Variants in IL1RAPL1 observed in about 807,000 individuals in gnomAD.
IL1RAPL1 encodes interleukin-1 receptor accessory protein-like 1.
In IL1RAPL1, 3 loss-of-function variants were observed where a neutral mutation model predicts 48.4. That is an observed-to-expected ratio of 0.06 (90% CI 0.03 to 0.16). The LOEUF (loss-of-function observed/expected upper bound fraction) is 0.16, where lower values mean the gene tolerates loss of function less well. IL1RAPL1 is among the 10% of genes least tolerant of loss of function. The pLI, the probability that IL1RAPL1 is intolerant of heterozygous loss-of-function variation, is 1.00. For synonymous variants in IL1RAPL1, 185 were observed against 187.7 expected, an observed-to-expected ratio of 0.99 and a Z score of 0.12; for missense variants, 349 against 530.6, an observed-to-expected ratio of 0.66 and a Z score of 3.36.
intron 1 of IL1RAPL1, among the ~76,000 whole-genome samples, chrX:28,741,628 G>A (rs779873613): frequency 8.1e-5 from 9 of 111,622 alleles, no homozygotes; most frequent in Non-Finnish European, 1.5e-4. Flanking sequence ...ATCTCATTTT[G>A]TTGAATGTGA....
chrX:28,743,295 A>T lies in IL1RAPL1; in HGVS notation c.-24-46025A>T, dbSNP rs1289303770. On this transcript the variant is annotated intron_variant, in intron 1 of 10. Coordinates refer to ENST00000378993, the MANE Select transcript of IL1RAPL1 (RefSeq NM_014271.4). ...CCTCGTATTTTTAAATCTTACAATC[A>T]TATCCTTATCACTTCAATTTATCTA... 2.7e-5 allele frequency among the ~76,000 whole-genome samples: 3 copies of T among 111,691 alleles called. No individual in the cohort carries two copies. The Admixed American group carries it at 2.9e-4, about 11-fold the overall frequency.
chrX:28,733,603 T>G (rs1345589906), intron 1 of IL1RAPL1, among the ~76,000 whole-genome samples: 1 of 111,710 alleles, frequency 9.0e-6, no homozygotes, highest in African/African-American at 3.3e-5. Context: ...AATTGACTCT[T>G]GGTATACCTT....
chrX:29,569,169 A>G (rs1922509347), intron 5 of IL1RAPL1, among the ~76,000 whole-genome samples: 1 of 111,415 alleles, frequency 9.0e-6, no homozygotes, highest in African/African-American at 3.3e-5. Flanking sequence ...TAGTTTGGTG[A>G]TTTCGACCAT....
chrX:28,832,822 ATT>A (rs199869467), intron 2 of IL1RAPL1, among the ~76,000 whole-genome samples: 4,753 of 80,329 alleles, frequency 0.059, 310 homozygotes, highest in East Asian at 0.25. Context: ...ATTTTTTTCA[ATT>A]TTTTTTTTTT....
chrX:29,102,226 A>G (rs1232671204), intron 2 of IL1RAPL1, among the ~76,000 whole-genome samples: 1 of 112,237 alleles, frequency 8.9e-6, no homozygotes, highest in Non-Finnish European at 1.9e-5. Flanking sequence ...ATCATAGTGA[A>G]TAGAAAAAAT....
intron 2 of IL1RAPL1, among the ~76,000 whole-genome samples, chrX:28,857,018 C>G (rs1209177160): frequency 8.9e-6 from 1 of 111,974 alleles, no homozygotes; most frequent in Admixed American, 9.5e-5. Flanking sequence ...AAATGCTACT[C>G]AGTGAACACA....
chrX:29,377,139 G>A (rs944797689), intron 3 of IL1RAPL1, among the ~76,000 whole-genome samples: 5 of 111,931 alleles, frequency 4.5e-5, no homozygotes, highest in African/African-American at 1.3e-4. Context: ...TATTGTTATT[G>A]GTTTAAAATC....
intron 5 of IL1RAPL1, among the ~76,000 whole-genome samples, chrX:29,443,751 T>G (rs1311706458): frequency 8.9e-6 from 1 of 111,968 alleles, no homozygotes; most frequent in Middle Eastern, 4.2e-3. Context: ...TTATCTCTGC[T>G]CTACATGAGG....
intron 2 of IL1RAPL1, among the ~76,000 whole-genome samples, chrX:29,221,478 C>T (rs1195216443): frequency 4.5e-5 from 5 of 110,810 alleles, no homozygotes; most frequent in African/African-American, 1.3e-4. Flanking sequence ...TTTATATACC[C>T]CGTGAAGGTC....
At chrX:29,829,096 T>C (rs766876912) in intron 6 of IL1RAPL1, among the ~76,000 whole-genome samples, 12 of 108,244 alleles carry the variant, frequency 1.1e-4, no homozygotes, top group Non-Finnish European at 1.7e-4. Context: ...GGTATGCTTA[T>C]TGTTTTAAAC....
At chrX:28,874,560 C>G (rs776898445) in intron 2 of IL1RAPL1, among the ~76,000 whole-genome samples, 1 of 111,963 alleles carries the variant, frequency 8.9e-6, no homozygotes, top group South Asian at 3.8e-4. Flanking sequence ...TCATGCCAAA[C>G]TTAAGTGACT....
At chrX:29,085,676 T>C (rs1927938010) in intron 2 of IL1RAPL1, among the ~76,000 whole-genome samples, 1 of 111,263 alleles carries the variant, frequency 9.0e-6, no homozygotes, top group South Asian at 3.7e-4. Context: ...CGTAGCCAAA[T>C]AGAAATGTGT....
intron 1 of IL1RAPL1, among the ~76,000 whole-genome samples, chrX:28,649,459 G>A (rs1402812582): frequency 1.8e-5 from 2 of 112,096 alleles, no homozygotes; most frequent in Non-Finnish European, 3.8e-5. Flanking sequence ...GGGAAATGCT[G>A]GTTTAAAAAG....
At chrX:28,656,036 G>C (rs372522549) in intron 1 of IL1RAPL1, among the ~76,000 whole-genome samples, 1 of 111,407 alleles carries the variant, frequency 9.0e-6, no homozygotes, top group African/African-American at 3.3e-5. Flanking sequence ...ACAGATACAC[G>C]GCCATGATGT....
rs1225091387 is a variant in IL1RAPL1, at chrX:29,418,119, A to ATT, written c.703+18812_703+18813insTT. Among the ~76,000 whole-genome samples, 268 of 30,863 alleles carry ATT rather than the reference A, an allele frequency of 8.7e-3. 5 individuals are homozygous for ATT. Among genetic ancestry groups the ATT allele is most frequent in the African/African-American group, 0.029 (221 of 7,499 alleles). 26.8% of individuals were successfully genotyped at this position (30,863 alleles called of 115,157 possible). A position where few individuals can be genotyped will look rare whatever the true frequency, so the allele number is the denominator to read the frequency against. On this transcript the variant is annotated intron_variant, in intron 5 of 10. Coordinates refer to ENST00000378993, the MANE Select transcript of IL1RAPL1 (RefSeq NM_014271.4). ...TATATATATATATATATATATATATATATATATTTTTTTTTTTTTTTTTGA... is the reference window on the plus strand; with the variant it reads ...TATATATATATATATATATATATATATTTATATATTTTTTTTTTTTTTTTTGA...
chrX:29,843,020 A>C (rs1931166278), intron 6 of IL1RAPL1, among the ~76,000 whole-genome samples: 2 of 112,286 alleles, frequency 1.8e-5, no homozygotes, highest in Non-Finnish European at 1.9e-5. Flanking sequence ...TAAGCTTATA[A>C]ATATTTCACT....
At chrX:29,477,102 G>A (rs747014012) in intron 5 of IL1RAPL1, among the ~76,000 whole-genome samples, 3 of 109,373 alleles carry the variant, frequency 2.7e-5, no homozygotes. Flanking sequence ...GGATGGTCTC[G>A]ATCCCATATT....
chrX:28,747,877 C>T (rs1935997723), intron 1 of IL1RAPL1, among the ~76,000 whole-genome samples: 1 of 111,422 alleles, frequency 9.0e-6, no homozygotes, highest in African/African-American at 3.3e-5. Flanking sequence ...ATTATCATTT[C>T]AAATATTGTT....
At chrX:28,798,469 A>T (rs1291919111) in intron 2 of IL1RAPL1, among the ~76,000 whole-genome samples, 1 of 111,632 alleles carries the variant, frequency 9.0e-6, no homozygotes, top group Non-Finnish European at 1.9e-5. Context: ...AAGGGTCTTC[A>T]TTATTATATT....
Sources: allele counts gnomAD v4.1 joint callset (sites outside exome capture counted in the v4.1 genomes callset), GRCh38; gene constraint gnomAD v4.1.1; transcripts MANE v1.5; gene names NCBI Gene and HGNC (gene_info 2026-07-23, HGNC 2026-07-21).